Variants in MYO5C observed in about 807,000 individuals in gnomAD.
MYO5C encodes unconventional myosin-Vc.
A neutral mutation model predicts 235.7 loss-of-function variants in MYO5C; 194 were observed. The ratio of observed to expected loss-of-function variants is 0.82; its 90% CI spans 0.73 to 0.93. The LOEUF is 0.93. Among genes scored for constraint, MYO5C ranks in the 40% least tolerant of loss-of-function variants. MYO5C has a pLI of 0.00. For synonymous variants in MYO5C, 707 were observed against 754.8 expected (o/e 0.94, Z 1.04); for missense variants, 2,038 against 2,127.2 (o/e 0.96, Z 0.82).
rs1453927750 is a variant in MYO5C, at chr15:52,278,805, T to C, written c.449+68A>G. On this transcript the variant is annotated intron_variant, in intron 4 of 40. Transcript: ENST00000261839. ...CCCAACCTAGATATCTCCCCTCCAC[T>C]GTGATGGTCTGGCAAATGCAGGGAG... The C allele has an allele frequency of 6.3e-6, 10 of 1,576,054 alleles. No individual in the cohort carries two copies. In the Admixed American group the frequency reaches 1.4e-4, roughly 21 times the overall value.
chr15:52,277,750 G>C (rs985017829), intron 4 of MYO5C: 5 of 433,222 alleles, frequency 1.2e-5, no homozygotes, highest in African/African-American at 1.0e-4. Flanking sequence ...ACAGGGAGCT[G>C]CACGGCACCG....
chr15:52,290,054 T>C (rs2037354281), intron 1 of MYO5C, among the ~76,000 whole-genome samples: 1 of 152,088 alleles, frequency 6.6e-6, no homozygotes, highest in Non-Finnish European at 1.5e-5. Flanking sequence ...CCACTTGCCA[T>C]CTAGCAGAGC....
chr15:52,278,212 T>A (rs964375278), intron 4 of MYO5C, among the ~76,000 whole-genome samples: 2 of 152,140 alleles, frequency 1.3e-5, no homozygotes, highest in East Asian at 1.9e-4. Context: ...ATGGGAAAAA[T>A]AAACTAGAGT....
rs894604928 is a variant in MYO5C, at chr15:52,275,862, GA to G, written c.450-145del. 1.8e-4 allele frequency: 152 copies of G among 823,466 alleles called. No individual in the cohort carries two copies. The African/African-American group carries it at 2.4e-3, about 13-fold the overall frequency. The allele number at this position is 823,466 out of a possible 1,614,324, so 51.0% of individuals were successfully genotyped here. A position where few individuals can be genotyped will look rare whatever the true frequency, so the allele number is the denominator to read the frequency against. ...TTAAATCTCAATCAATTTCCTTCTA[GA>G]TTTTTTTTTCTATGTGATCGTGCAG... is the stretch of plus-strand genomic sequence containing the variant. On this transcript the variant is annotated intron_variant, in intron 4 of 40. Coordinates refer to ENST00000261839, the MANE Select transcript of MYO5C (RefSeq NM_018728.4).
rs201914663 is a variant in MYO5C, at chr15:52,222,933, C to G, written c.3627+611G>C. ...TTGGGAGGCTGAGGCAGGCGGATCA[C>G]GAGGTCAGGAGTTCGAGACTAGCCT... On this transcript the variant is annotated intron_variant, in intron 29 of 40. Transcript: ENST00000261839. 1.2e-4 allele frequency among the ~76,000 whole-genome samples: 18 copies of G among 152,196 alleles called. No individual in the cohort carries two copies. In the East Asian group the frequency reaches 2.3e-3, roughly 20 times the overall value.
chr15:52,278,245 C>A (rs2037092527), intron 4 of MYO5C, among the ~76,000 whole-genome samples: 1 of 152,166 alleles, frequency 6.6e-6, no homozygotes, highest in African/African-American at 2.4e-5. Flanking sequence ...GCACAAATCC[C>A]AGATCTGCCT....
chr15:52,198,389 G>A (rs575712478), intron 38 of MYO5C, among the ~76,000 whole-genome samples: 112 of 152,242 alleles, frequency 7.4e-4, no homozygotes, highest in African/African-American at 2.6e-3. Flanking sequence ...TGCCCCATGT[G>A]GGTCTTCTTT....
intron 18 of MYO5C, among the ~76,000 whole-genome samples, 192 bp downstream of exon 18, chr15:52,245,162 C>A (rs1362461321): frequency 1.3e-5 from 2 of 152,216 alleles, no homozygotes; most frequent in Admixed American, 6.5e-5. Context: ...ATGTGGGTCC[C>A]TAACGGGGAC....
intron 38 of MYO5C, 33 bp downstream of exon 38, chr15:52,204,832 C>T (rs770860485): frequency 1.2e-6 from 2 of 1,604,118 alleles, no homozygotes; most frequent in Non-Finnish European, 1.7e-6. Flanking sequence ...TTCTGCAGGC[C>T]TCTCCGCGTG....
In MYO5C at chr15:52,247,457, C is replaced by A; in HGVS notation, c.1881+1G>T. ...CTCACTCTCAAACACCTTCTCAGTACCTTGCTCCCAACTGTGGTCCGGAAA... is the reference window on the plus strand; with the variant it reads ...CTCACTCTCAAACACCTTCTCAGTAACTTGCTCCCAACTGTGGTCCGGAAA... On this transcript the variant is annotated splice_donor_variant, in intron 15 of 40. Coordinates refer to ENST00000261839, the MANE Select transcript of MYO5C (RefSeq NM_018728.4). LOFTEE classifies it high-confidence loss of function. 6.2e-7 allele frequency: 1 copy of A among 1,614,064 alleles called. No homozygotes were observed. Among genetic ancestry groups the A allele is most frequent in the Non-Finnish European group, 8.5e-7 (1 of 1,179,950 alleles).
At chr15:52,275,127 G>A (rs1402792269) in intron 5 of MYO5C, among the ~76,000 whole-genome samples, 2 of 152,234 alleles carry the variant, frequency 1.3e-5, no homozygotes, top group African/African-American at 4.8e-5. Flanking sequence ...TGTGGCCTCT[G>A]CCAAGGCAGA....
rs188270410 is a variant in MYO5C at position 52,291,832 on chromosome 15, G to A, written c.27+3778C>T. On this transcript the variant is annotated intron_variant, in intron 1 of 40. Transcript: ENST00000261839. ...CGGCTCACTGCAAGCTTCGCCTCCC[G>A]GGTTCACGCCATTCTCCTGCCTCAG... 7.7e-4 allele frequency among the ~76,000 whole-genome samples: 104 copies of A among 134,768 alleles called. 1 individual carries two copies. The highest frequency in any genetic ancestry group is 2.6e-3 in the African/African-American group (96 of 36,646). 88.4% of individuals were successfully genotyped at this position (134,768 alleles called of 152,430 possible).
intron 21 of MYO5C, among the ~76,000 whole-genome samples, 199 bp from the exon 22 acceptor site, chr15:52,237,845 C>T (rs929169346): frequency 6.6e-6 from 1 of 152,156 alleles, no homozygotes; most frequent in Non-Finnish European, 1.5e-5. Flanking sequence ...CACATCTTCC[C>T]AAACTGGTGG....
intron 22 of MYO5C, among the ~76,000 whole-genome samples, chr15:52,236,500 C>T (rs192491618): frequency 8.7e-4 from 132 of 152,300 alleles, no homozygotes; most frequent in Non-Finnish European, 1.2e-3. Context: ...CATGGTGAAA[C>T]CCCACCTCTA....
chr15:52,277,016 C>T (rs1041422928), intron 4 of MYO5C: 2 of 450,614 alleles, frequency 4.4e-6, no homozygotes, highest in Non-Finnish European at 9.1e-6. Flanking sequence ...GAGCACAGAG[C>T]CACAGCCTCC....
chr15:52,210,546 T>C (rs1265327218), intron 35 of MYO5C, among the ~76,000 whole-genome samples: 1 of 152,100 alleles, frequency 6.6e-6, no homozygotes, highest in Non-Finnish European at 1.5e-5. Flanking sequence ...AGAGAGAAGG[T>C]TTTTGTACTA....
chr15:52,230,770 C>T (rs957841434), intron 24 of MYO5C, among the ~76,000 whole-genome samples: 3 of 150,676 alleles, frequency 2.0e-5, no homozygotes, highest in Non-Finnish European at 2.9e-5. Context: ...AACTGCAGTG[C>T]TCCCAAGAGA....
In MYO5C at chr15:52,279,772, T is replaced by C. The variant is rs934260463; in HGVS notation, c.139-98A>G. The C allele has an allele frequency of 1.2e-5, 14 of 1,164,816 alleles. No individual in the cohort carries two copies. The Admixed American group carries it at 3.4e-4, about 29-fold the overall frequency. 72.2% of individuals were successfully genotyped at this position (1,164,816 alleles called of 1,614,324 possible). A position where few individuals can be genotyped will look rare whatever the true frequency, so the allele number is the denominator to read the frequency against. ...TGTCCTATCCACCCCTCCATCAGAG[T>C]CATCACTGACATTAAAAAGCAAATG... On this transcript the variant is annotated intron_variant, in intron 2 of 40. Transcript: ENST00000261839.
Position 52,219,840 on chromosome 15 carries a change from G to A in MYO5C, c.3722-18C>T, listed in dbSNP as rs1322325104. 2.0e-5 allele frequency: 32 copies of A among 1,597,888 alleles called. No individual in the cohort carries two copies. Among genetic ancestry groups the A allele is most frequent in the Non-Finnish European group, 2.6e-5 (30 of 1,167,258 alleles). On this transcript the variant is annotated intron_variant, in intron 30 of 40. Transcript: ENST00000261839. ...TAGTTTTCCTATAATGAGAAGAACT[G>A]TCAGTACTTTGGGGGGGCACATATC...
Sources: gnomAD v4.1 joint callset for allele counts (sites outside exome capture counted in the v4.1 genomes callset) on GRCh38, gnomAD v4.1.1 for gene constraint, MANE v1.5 for transcripts, NCBI Gene and HGNC (gene_info 2026-07-23, HGNC 2026-07-21) for gene names.